Variants in CSMD1 observed in about 807,000 individuals in gnomAD.
CSMD1 encodes the protein CUB and Sushi multiple domains 1.
A neutral mutation model predicts 417.5 loss-of-function variants in CSMD1; 213 were observed. That is an observed-to-expected ratio of 0.51 (90% confidence interval 0.46 to 0.57). CSMD1 has a LOEUF of 0.57. Ranked by LOEUF, CSMD1 falls within the 20% of genes least tolerant of loss-of-function variation. The pLI, the probability that CSMD1 is intolerant of heterozygous loss-of-function variation, is 0.00. For synonymous variants in CSMD1, 2,862 were observed against 1,736.8 expected (o/e 1.65, Z -16.11); for missense variants, 6,923 against 4,529.7 (o/e 1.53, Z -15.17).
intron 2 of CSMD1, among the ~76,000 whole-genome samples, chr8:4,506,686 T>G (rs1345124072): frequency 6.6e-6 from 1 of 152,176 alleles, no homozygotes; most frequent in African/African-American, 2.4e-5. Context: ...GAGCTTAACC[T>G]CCTCTGAATA....
chr8:4,468,702 A>T lies in CSMD1; in HGVS notation c.303-48637T>A, dbSNP rs571714523. ...TGTATGTATCATAACAAGAGTGTTT[A>T]GCATAATTCAAAAACATTGCTTAGG... On this transcript the variant is annotated intron_variant, in intron 2 of 69. Coordinates refer to ENST00000635120, the MANE Select transcript of CSMD1 (RefSeq NM_033225.6). 1.4e-4 allele frequency among the ~76,000 whole-genome samples: 21 copies of T among 152,336 alleles called. No individual in the cohort carries two copies. The South Asian group carries it at 4.3e-3, about 32-fold the overall frequency.
intron 1 of CSMD1, among the ~76,000 whole-genome samples, chr8:4,751,173 T>A (rs1370363469): frequency 2.6e-5 from 4 of 152,138 alleles, no homozygotes; most frequent in Non-Finnish European, 4.4e-5. Context: ...TCACCTGAGG[T>A]AAGGAATTCC....
At chr8:4,359,114 G>T (rs989635559) in intron 3 of CSMD1, among the ~76,000 whole-genome samples, 1 of 152,042 alleles carries the variant, frequency 6.6e-6, no homozygotes, top group African/African-American at 2.4e-5. Context: ...GGAATACTAG[G>T]GTAGAAATTT....
At chr8:4,694,792 C>G (rs184864989) in intron 1 of CSMD1, among the ~76,000 whole-genome samples, 1 of 152,132 alleles carries the variant, frequency 6.6e-6, no homozygotes, top group African/African-American at 2.4e-5. Context: ...ACTGCGCGTC[C>G]TTAACCTTGG....
At chr8:4,959,595 G>A (rs1280511580) in intron 1 of CSMD1, among the ~76,000 whole-genome samples, 2 of 152,216 alleles carry the variant, frequency 1.3e-5, no homozygotes, top group African/African-American at 4.8e-5. Flanking sequence ...AACTGCTGTA[G>A]GCATTGAGCA....
intron 57 of CSMD1, among the ~76,000 whole-genome samples, chr8:2,970,674 C>T (rs80213649): frequency 0.03 from 4,560 of 152,206 alleles, 222 homozygotes; most frequent in African/African-American, 0.11. Context: ...AGATCCAGAA[C>T]CAAGACTTTG....
At chr8:4,232,516 T>G (rs1178240840) in intron 3 of CSMD1, among the ~76,000 whole-genome samples, 2 of 152,144 alleles carry the variant, frequency 1.3e-5, no homozygotes, top group African/African-American at 4.8e-5. Context: ...TCCTTTAAAT[T>G]ACACACTACC....
In CSMD1 at chr8:4,150,412, T is replaced by C. The variant is rs537935890; in HGVS notation, c.416-118313A>G. 3.3e-5 allele frequency among the ~76,000 whole-genome samples: 5 copies of C among 152,338 alleles called. No individual in the cohort carries two copies. In the South Asian group the frequency reaches 1.0e-3, roughly 32 times the overall value. On this transcript the variant is annotated intron_variant, in intron 3 of 69. Coordinates refer to ENST00000635120, the MANE Select transcript of CSMD1 (RefSeq NM_033225.6). Reference sequence around the variant, plus strand: ...TTTGGAAGTAATGTGGACTCTCTTATCTTTGGATGGCAGGCTTTTGACAAC... The same window carrying C: ...TTTGGAAGTAATGTGGACTCTCTTACCTTTGGATGGCAGGCTTTTGACAAC...
chr8:4,565,810 A>T (rs1798581329), intron 2 of CSMD1, among the ~76,000 whole-genome samples: 1 of 141,064 alleles, frequency 7.1e-6, no homozygotes, highest in South Asian at 2.2e-4. Context: ...ATACATATAT[A>T]TATTATATAC....
intron 5 of CSMD1, among the ~76,000 whole-genome samples, chr8:3,852,404 G>A (rs920882374): frequency 1.3e-5 from 2 of 152,142 alleles, no homozygotes; most frequent in African/African-American, 4.8e-5. Context: ...CATGTACAGT[G>A]AACCACACTC....
At chr8:4,306,178 A>G (rs910473074) in intron 3 of CSMD1, among the ~76,000 whole-genome samples, 4 of 152,204 alleles carry the variant, frequency 2.6e-5, no homozygotes, top group Non-Finnish European at 4.4e-5. Context: ...AACACGCTGA[A>G]GTTGTCTGCA....
At chr8:3,933,719 G>T (rs369842288) in intron 5 of CSMD1, among the ~76,000 whole-genome samples, 28 of 152,076 alleles carry the variant, frequency 1.8e-4, no homozygotes, top group African/African-American at 6.5e-4. Context: ...GCAAAATTAC[G>T]TTCAAAAATC....
intron 25 of CSMD1, 67 bp downstream of exon 25, chr8:3,307,628 T>C (rs1804978517): frequency 6.7e-7 from 1 of 1,492,452 alleles, no homozygotes; most frequent in Non-Finnish European, 9.2e-7. Flanking sequence ...TGTACCACTA[T>C]CTCTGCTACA....
chr8:4,045,380 T>C (rs1454230786), intron 3 of CSMD1, among the ~76,000 whole-genome samples: 2 of 152,154 alleles, frequency 1.3e-5, no homozygotes, highest in African/African-American at 2.4e-5. Context: ...CACTGTCATT[T>C]AAAACAGTGC....
At chr8:4,081,044 A>G (rs1462111750) in intron 3 of CSMD1, among the ~76,000 whole-genome samples, 1 of 152,132 alleles carries the variant, frequency 6.6e-6, no homozygotes, top group Non-Finnish European at 1.5e-5. Flanking sequence ...GAGGGACACA[A>G]AGTTCATCCC....
intron 7 of CSMD1, among the ~76,000 whole-genome samples, chr8:3,683,800 A>T (rs1238434208): frequency 6.6e-6 from 1 of 152,146 alleles, no homozygotes; most frequent in Non-Finnish European, 1.5e-5. Flanking sequence ...GCTTTGTGTT[A>T]ACTTGATAAA....
intron 3 of CSMD1, among the ~76,000 whole-genome samples, chr8:4,094,742 G>C (rs992568214): frequency 6.6e-6 from 1 of 152,136 alleles, no homozygotes; most frequent in Non-Finnish European, 1.5e-5. Flanking sequence ...TCTCCATTCA[G>C]ACAAATGATG....
chr8:2,965,438 C>T (rs959842386), intron 59 of CSMD1, among the ~76,000 whole-genome samples: 1 of 152,236 alleles, frequency 6.6e-6, no homozygotes, highest in East Asian at 1.9e-4. Flanking sequence ...CCACGAACAC[C>T]TCACACAGCT....
intron 10 of CSMD1, among the ~76,000 whole-genome samples, chr8:3,495,569 C>T (rs937958555): frequency 1.3e-5 from 2 of 152,332 alleles, no homozygotes; most frequent in East Asian, 1.9e-4. Context: ...CTTTACTCCA[C>T]GCTGCTGATG....
Sources: allele counts gnomAD v4.1 joint callset (sites outside exome capture counted in the v4.1 genomes callset), GRCh38; gene constraint gnomAD v4.1.1; transcripts MANE v1.5; gene names NCBI Gene and HGNC (gene_info 2026-07-23, HGNC 2026-07-21).